The following ERCC6L2 variants were observed in gnomAD, a reference collection of about 807,000 sequenced individuals.
The protein encoded by ERCC6L2 is ERCC excision repair 6 like 2, also known as DNA excision repair protein ERCC-6-like 2.
A neutral mutation model predicts 132.0 loss-of-function variants in ERCC6L2; 77 were observed. The ratio of observed to expected loss-of-function variants is 0.58; its 90% CI spans 0.49 to 0.71. ERCC6L2 has a LOEUF of 0.71. Among genes scored for constraint, ERCC6L2 ranks in the 30% least tolerant of loss-of-function variants. ERCC6L2 has a pLI of 0.00. For synonymous variants in ERCC6L2, 583 were observed against 632.4 expected (o/e 0.92, Z 1.17); for missense variants, 1,542 against 1,837.6 (o/e 0.84, Z 2.94).
chr9:95,978,066 G>C lies in ERCC6L2; in HGVS notation c.3343G>C (p.Val1115Leu), dbSNP rs372961783. Residue 1115 changes from valine to leucine, a missense_variant, in exon 17 of 19, where the codon GTT (valine) becomes CTT (leucine). This residue lies in a region of ERCC6L2 where 442 missense variants were observed against 583.4 expected (regional missense o/e 0.76). Transcript: ENST00000653738. Reference sequence around the variant, plus strand: ...AAACATAAATTACCTCCTAGATGGCGTTCAGGAAGTGGCTTATATTCACTC... The same window carrying C: ...AAACATAAATTACCTCCTAGATGGCCTTCAGGAAGTGGCTTATATTCACTC... ...YESMDKFLDG[V>L]QEVAYIHSNQ... 7.3e-7 allele frequency: 1 copy of C among 1,364,202 alleles called. No individual in the cohort carries two copies. Among genetic ancestry groups the C allele is most frequent in the Non-Finnish European group, 9.8e-7 (1 of 1,020,454 alleles). The allele number at this position is 1,364,202 out of a possible 1,614,324, so 84.5% of individuals were successfully genotyped here.
chr9:95,983,681 G>T (rs1041527541), intron 17 of ERCC6L2, among the ~76,000 whole-genome samples: 2 of 152,146 alleles, frequency 1.3e-5, no homozygotes, highest in Non-Finnish European at 2.9e-5. Flanking sequence ...TCCTGCCTCT[G>T]TCTTAGGAAT....
At chr9:95,974,842 C>T (rs1218127024) in intron 16 of ERCC6L2, among the ~76,000 whole-genome samples, 2 of 151,698 alleles carry the variant, frequency 1.3e-5, no homozygotes, top group African/African-American at 2.4e-5. Context: ...TAAAATACCT[C>T]GAGGTTATAC....
intron 19 of ERCC6L2, among the ~76,000 whole-genome samples, chr9:96,030,925 T>TA (rs1335811951): frequency 6.6e-6 from 1 of 152,118 alleles, no homozygotes; most frequent in East Asian, 1.9e-4. Flanking sequence ...TGCCCAGGCT[T>TA]TCCCCTCCCT....
chr9:95,936,234 G>C (rs1399888417), intron 11 of ERCC6L2, among the ~76,000 whole-genome samples: 1 of 152,184 alleles, frequency 6.6e-6, no homozygotes. Flanking sequence ...TTTTGACTTT[G>C]ATGAGTGAGT....
At position 96,012,780 on chromosome 9, in the gene ERCC6L2, C is replaced by T. The variant is rs1200056744; in HGVS notation, c.4230C>T (p.Gly1410=). 7.3e-7 allele frequency: 1 copy of T among 1,367,444 alleles called. No individual in the cohort carries two copies. The highest frequency in any genetic ancestry group is 9.8e-7 in the Non-Finnish European group (1 of 1,021,838). The allele number at this position is 1,367,444 out of a possible 1,614,324, so 84.7% of individuals were successfully genotyped here. A position where few individuals can be genotyped will look rare whatever the true frequency, so the allele number is the denominator to read the frequency against. Residue 1410 remains glycine, a synonymous_variant, in exon 19 of 19, where the codon GGC becomes GGT. Coordinates refer to ENST00000653738, the MANE Select transcript of ERCC6L2 (RefSeq NM_020207.7). ...MKDQQDLTRT[G]ISRKEPLLKL... is the part of the protein sequence containing the mutation. ...ACCAACAGGACCTCACAAGAACGGG[C>T]ATTTCAAGAAAAGAACCCCTTCTCA...
At chr9:95,950,334 A>C (rs1254775229) in intron 12 of ERCC6L2, among the ~76,000 whole-genome samples, 1 of 152,214 alleles carries the variant, frequency 6.6e-6, no homozygotes, top group Non-Finnish European at 1.5e-5. Context: ...AAAAATATCT[A>C]AAGTATATGT....
At chr9:95,935,466 C>T (rs1003021594) in intron 11 of ERCC6L2, among the ~76,000 whole-genome samples, 5 of 152,158 alleles carry the variant, frequency 3.3e-5, no homozygotes, top group African/African-American at 1.2e-4. Context: ...GGAGGAGACA[C>T]GTCTCTTAAA....
chr9:95,904,967 T>C (rs1828959770), intron 3 of ERCC6L2: 1 of 152,218 alleles, frequency 6.6e-6, no homozygotes, highest in Admixed American at 6.5e-5. Flanking sequence ...TAAAATTGTA[T>C]TTTAGCTTCA....
chr9:95,910,097 G>A (rs768499130), intron 4 of ERCC6L2, among the ~76,000 whole-genome samples: 1 of 152,208 alleles, frequency 6.6e-6, no homozygotes, highest in Non-Finnish European at 1.5e-5. Context: ...GATTGGCCAA[G>A]ATGTTGCTTA....
At position 96,016,942 on chromosome 9, in the gene ERCC6L2, G is replaced by T. The variant is rs1588060882; in HGVS notation, c.*3739G>T. 6.6e-6 allele frequency among the ~76,000 whole-genome samples: 1 copy of T among 152,260 alleles called. No homozygotes were observed. Among genetic ancestry groups the T allele is most frequent in the East Asian group, 1.9e-4 (1 of 5,188 alleles). On this transcript the variant is annotated 3_prime_UTR_variant, in exon 19 of 19. Transcript: ENST00000653738. Reference sequence around the variant, plus strand: ...TTTGTTTGTTTGTTTGCATGTGAAGGATTTTTATGTCACAAATCCAGCTAA... The same window carrying T: ...TTTGTTTGTTTGTTTGCATGTGAAGTATTTTTATGTCACAAATCCAGCTAA...
intron 15 of ERCC6L2, 87 bp downstream of exon 15, chr9:95,970,743 A>G: frequency 3.0e-6 from 3 of 989,490 alleles, no homozygotes; most frequent in Non-Finnish European, 3.9e-6. Flanking sequence ...CCTTAATTTT[A>G]TAACCTGTAA....
At chr9:95,903,143 C>T (rs1564207458) in intron 3 of ERCC6L2, among the ~76,000 whole-genome samples, 1 of 151,866 alleles carries the variant, frequency 6.6e-6, no homozygotes, top group African/African-American at 2.4e-5. Context: ...ATTTATTTTG[C>T]TGTAGGTGTC....
chr9:95,877,115 G>C (rs563411278), intron 1 of ERCC6L2: 1 of 152,154 alleles, frequency 6.6e-6, no homozygotes, highest in Non-Finnish European at 1.5e-5. Flanking sequence ...AGTTGAGTTG[G>C]TAATTAGTTT....
intron 18 of ERCC6L2, among the ~76,000 whole-genome samples, chr9:96,009,434 C>T (rs1275760992): frequency 6.6e-6 from 1 of 152,186 alleles, no homozygotes; most frequent in Admixed American, 6.5e-5. Context: ...GTGTTCAGTC[C>T]TCCTCTCCTT....
intron 18 of ERCC6L2, among the ~76,000 whole-genome samples, chr9:96,009,425 T>C (rs1181509484): frequency 6.6e-6 from 1 of 152,230 alleles, no homozygotes; most frequent in Non-Finnish European, 1.5e-5. Flanking sequence ...CTGAATGAAG[T>C]GTTCAGTCCT....
downstream of ERCC6L2, among the ~76,000 whole-genome samples, chr9:96,022,666 T>C (rs1013829068): frequency 1.2e-4 from 18 of 152,064 alleles, no homozygotes; most frequent in Non-Finnish European, 1.3e-4. Flanking sequence ...TGTCTGTTAA[T>C]AGGGATGCTG....
At chr9:95,993,286 C>T (rs1466710379) in intron 17 of ERCC6L2, among the ~76,000 whole-genome samples, 1 of 152,208 alleles carries the variant, frequency 6.6e-6, no homozygotes, top group Non-Finnish European at 1.5e-5. Context: ...AGACTGCTAT[C>T]TGGAAAGGCT....
At chr9:95,905,922 A>C (rs920321426) in intron 3 of ERCC6L2, among the ~76,000 whole-genome samples, 1 of 152,200 alleles carries the variant, frequency 6.6e-6, no homozygotes, top group Non-Finnish European at 1.5e-5. Flanking sequence ...ATCAAGTATA[A>C]AACTTTAGAA....
intron 17 of ERCC6L2, among the ~76,000 whole-genome samples, chr9:95,986,461 G>A (rs903692334): frequency 6.6e-6 from 1 of 151,096 alleles, no homozygotes; most frequent in Non-Finnish European, 1.5e-5. Flanking sequence ...GTATTCTGAG[G>A]ACAGGGATGT....
Sources: gnomAD v4.1 joint callset for allele counts (sites outside exome capture counted in the v4.1 genomes callset) on GRCh38, gnomAD v4.1.1 for gene constraint, gnomAD v4.1.1 regional missense constraint, MANE v1.5 for transcripts, NCBI Gene and HGNC (gene_info 2026-07-23, HGNC 2026-07-21) for gene names.